Variants in TSPAN5 observed in about 807,000 individuals in gnomAD.
TSPAN5 encodes the protein tetraspanin 5.
A neutral mutation model predicts 37.1 loss-of-function variants in TSPAN5; 10 were observed. The observed-to-expected ratio is 0.27, with a 90% confidence interval of 0.17 to 0.46. The LOEUF is 0.46. Among genes scored for constraint, TSPAN5 ranks in the 20% least tolerant of loss-of-function variants. The probability of loss-of-function intolerance (pLI) is 1.00; values close to 1 mark genes in which losing one functional copy is unlikely to be tolerated. For missense variants in TSPAN5, 195 were observed against 326.6 expected, an observed-to-expected ratio of 0.60 and a Z score of 3.11; for synonymous variants, 110 against 118.9, an observed-to-expected ratio of 0.93 and a Z score of 0.48.
intron 3 of TSPAN5, among the ~76,000 whole-genome samples, chr4:98,485,762 C>CTTT (rs766494512): frequency 6.9e-5 from 6 of 86,592 alleles, no homozygotes; most frequent in African/African-American, 1.4e-4. Context: ...CTTGGATATG[C>CTTT]TTTTTTTTTT....
At chr4:98,515,625 G>A (rs1753711558) in intron 1 of TSPAN5, among the ~76,000 whole-genome samples, 1 of 152,048 alleles carries the variant, frequency 6.6e-6, no homozygotes, top group African/African-American at 2.4e-5. Context: ...TTATGGAGGA[G>A]TGATGTGACC....
chr4:98,489,150 T>C (rs6857878), intron 2 of TSPAN5, among the ~76,000 whole-genome samples: 51,244 of 151,988 alleles, frequency 0.34, 9,501 homozygotes, highest in South Asian at 0.46. Flanking sequence ...AGTAGCAGAA[T>C]TGACAGAGAG....
intron 2 of TSPAN5, among the ~76,000 whole-genome samples, chr4:98,503,507 G>T (rs560050333): frequency 5.1e-4 from 77 of 152,242 alleles, no homozygotes; most frequent in African/African-American, 1.8e-3. Flanking sequence ...TATTCTGTGG[G>T]ATCCAACAGG....
At chr4:98,601,602 A>G (rs1755883573) in intron 1 of TSPAN5, among the ~76,000 whole-genome samples, 1 of 152,216 alleles carries the variant, frequency 6.6e-6, no homozygotes, top group South Asian at 2.1e-4. Flanking sequence ...GCTCTGGATT[A>G]GGCTCTTGTT....
At position 98,575,941 on chromosome 4, in the gene TSPAN5, T is replaced by C. The variant is rs182356558; in HGVS notation, c.82-68213A>G. On this transcript the variant is annotated intron_variant, in intron 1 of 7. Transcript: ENST00000305798. ...AAAAATAGCTGGGTGTGGTGGTGCA[T>C]GCCTGTAATCCCAGCTACTTGGGAG... Among the ~76,000 whole-genome samples the C allele has an allele frequency of 7.6e-3, 1,156 of 152,048 alleles. 17 individuals are homozygous for C. Among genetic ancestry groups the C allele is most frequent in the African/African-American group, 0.026 (1,082 of 41,484 alleles).
intron 1 of TSPAN5, among the ~76,000 whole-genome samples, chr4:98,534,921 G>C (rs898506310): frequency 6.6e-6 from 1 of 152,108 alleles, no homozygotes; most frequent in Non-Finnish European, 1.5e-5. Flanking sequence ...GAGCCTATGT[G>C]TGTCTTTGCA....
At position 98,642,767 on chromosome 4, in the gene TSPAN5, T is replaced by G. The variant is rs138212756; in HGVS notation, c.81+15379A>C. Among the ~76,000 whole-genome samples the G allele has an allele frequency of 3.0e-3, 450 of 152,276 alleles. 4 individuals are homozygous for G. Among genetic ancestry groups the G allele is most frequent in the African/African-American group, 0.01 (430 of 41,558 alleles). On this transcript the variant is annotated intron_variant, in intron 1 of 7. Transcript: ENST00000305798. The stretch of plus-strand genomic sequence containing the variant: ...GTATAGGTCTAGGCTAATGTGTGTG[T>G]TTTTGTCTTCATTTTTAACAAAAAA...
At chr4:98,486,482 A>G in intron 3 of TSPAN5, 1 of 436,696 alleles carries the variant, frequency 2.3e-6, no homozygotes, top group Non-Finnish European at 4.1e-6. Flanking sequence ...TAGGGAATGG[A>G]ATCCAAGTCT....
At chr4:98,477,889 G>A (rs560046619) in intron 5 of TSPAN5, among the ~76,000 whole-genome samples, 8 of 151,844 alleles carry the variant, frequency 5.3e-5, no homozygotes, top group African/African-American at 1.9e-4. Context: ...TTAACTCCTG[G>A]GCTCAAGGGA....
chr4:98,487,178 G>C (rs1445614725), intron 2 of TSPAN5, among the ~76,000 whole-genome samples: 1 of 148,288 alleles, frequency 6.7e-6, no homozygotes, highest in Non-Finnish European at 1.5e-5. Context: ...AGGAGGGAGG[G>C]AAACTGCTTT....
At chr4:98,520,067 T>G (rs1410083506) in intron 1 of TSPAN5, among the ~76,000 whole-genome samples, 1 of 152,114 alleles carries the variant, frequency 6.6e-6, no homozygotes, top group Non-Finnish European at 1.5e-5. Flanking sequence ...AGGCTACATA[T>G]AGTCTGGAGG....
At chr4:98,519,553 G>A (rs910213346) in intron 1 of TSPAN5, among the ~76,000 whole-genome samples, 14 of 152,080 alleles carry the variant, frequency 9.2e-5, no homozygotes, top group Non-Finnish European at 1.6e-4. Context: ...ATGGATGAAG[G>A]GGAATGTCCT....
At chr4:98,542,704 G>T (rs1364572891) in intron 1 of TSPAN5, among the ~76,000 whole-genome samples, 1 of 126,348 alleles carries the variant, frequency 7.9e-6, no homozygotes, top group Admixed American at 8.8e-5. Flanking sequence ...GGGTGACAGT[G>T]AGACCTCATC....
chr4:98,526,136 G>A (rs1753956275), intron 1 of TSPAN5, among the ~76,000 whole-genome samples: 1 of 152,148 alleles, frequency 6.6e-6, no homozygotes, highest in African/African-American at 2.4e-5. Context: ...ATATCAGGCT[G>A]GGTCTCATCA....
chr4:98,616,988 T>A (rs533702438), intron 1 of TSPAN5, among the ~76,000 whole-genome samples: 28 of 152,032 alleles, frequency 1.8e-4, no homozygotes, highest in Admixed American at 1.8e-3. Flanking sequence ...CATGCCTGGC[T>A]AATTCTTTTT....
At chr4:98,533,293 A>G (rs1754142742) in intron 1 of TSPAN5, among the ~76,000 whole-genome samples, 1 of 152,048 alleles carries the variant, frequency 6.6e-6, no homozygotes, top group Non-Finnish European at 1.5e-5. Flanking sequence ...CCTCTGGTAG[A>G]ATTCGGCTGT....
intron 1 of TSPAN5, among the ~76,000 whole-genome samples, chr4:98,522,207 C>A (rs1347918346): frequency 6.6e-6 from 1 of 152,198 alleles, no homozygotes; most frequent in Non-Finnish European, 1.5e-5. Context: ...CTACAGAAAA[C>A]TATACTCAGA....
intron 1 of TSPAN5, among the ~76,000 whole-genome samples, chr4:98,522,030 C>G (rs1050765389): frequency 1.3e-5 from 2 of 152,268 alleles, no homozygotes; most frequent in Non-Finnish European, 1.5e-5. Context: ...GAAATAACTC[C>G]ATGTTTCAGG....
intron 1 of TSPAN5, among the ~76,000 whole-genome samples, chr4:98,517,876 T>C (rs773076450): frequency 6.6e-6 from 1 of 152,118 alleles, no homozygotes; most frequent in African/African-American, 2.4e-5. Context: ...CTGAAAAACA[T>C]ACCAGAGAAA....
Sources: gnomAD v4.1 joint callset for allele counts (sites outside exome capture counted in the v4.1 genomes callset) on GRCh38, gnomAD v4.1.1 for gene constraint, MANE v1.5 for transcripts, NCBI Gene and HGNC (gene_info 2026-07-23, HGNC 2026-07-21) for gene names.